PTPRR: variants seen among roughly 807,000 people sequenced by gnomAD.
PTPRR encodes protein tyrosine phosphatase receptor type R, also known as receptor-type tyrosine-protein phosphatase R.
PTPRR carries 38 observed loss-of-function variants against 77.2 expected under a neutral mutation model. That is an observed-to-expected ratio of 0.49 (90% CI 0.38 to 0.65). The LOEUF (loss-of-function observed/expected upper bound fraction) is 0.65, where lower values mean the gene tolerates loss of function less well. PTPRR is among the 30% of genes least tolerant of loss of function. PTPRR has a pLI of 0.00. For synonymous variants in PTPRR, 299 were observed against 283.1 expected (o/e 1.06, Z -0.57); for missense variants, 744 against 799.2 (o/e 0.93, Z 0.83).
intron 8 of PTPRR, among the ~76,000 whole-genome samples, chr12:70,694,166 G>T (rs1484704198): frequency 6.6e-6 from 1 of 151,932 alleles, no homozygotes; most frequent in East Asian, 1.9e-4. Context: ...TCACTTATTT[G>T]CATATCTACT....
In PTPRR at chr12:70,728,528, A is replaced by AATATATATATATAT. The variant is rs71068723; in HGVS notation, c.1007+17276_1007+17289dup. Among the ~76,000 whole-genome samples, 196 of 80,102 alleles carry AATATATATATATAT rather than the reference A, an allele frequency of 2.4e-3. 3 individuals are homozygous for AATATATATATATAT. Among genetic ancestry groups the AATATATATATATAT allele is most frequent in the African/African-American group, 5.3e-3 (99 of 18,632 alleles). The allele number at this position is 80,102 out of a possible 152,430, so 52.6% of individuals were successfully genotyped here. ...TATATGGCAAATATTCCAAAATCTGAATATATATATATATATATATATATA... is the reference window on the plus strand; with the variant it reads ...TATATGGCAAATATTCCAAAATCTGAATATATATATATATATATATATATATATATATATATATA... On this transcript the variant is annotated intron_variant, in intron 6 of 13. Coordinates refer to ENST00000283228, the MANE Select transcript of PTPRR (RefSeq NM_002849.4).
At chr12:70,673,072 T>C in intron 10 of PTPRR, 1 of 1,154,150 alleles carries the variant, frequency 8.7e-7, no homozygotes, top group Non-Finnish European at 1.1e-6. Context: ...GAAATATATA[T>C]TTGACTTATA....
At chr12:70,680,124 A>G (rs1887601002) in intron 10 of PTPRR, among the ~76,000 whole-genome samples, 1 of 152,190 alleles carries the variant, frequency 6.6e-6, no homozygotes, top group Non-Finnish European at 1.5e-5. Context: ...GCTGATAACA[A>G]CTTAACTTTG....
chr12:70,856,848 G>GGAGA (rs140876613), intron 2 of PTPRR, among the ~76,000 whole-genome samples: 2 of 148,166 alleles, frequency 1.3e-5, no homozygotes, highest in African/African-American at 5.0e-5. Flanking sequence ...GGAGAGAGGG[G>GGAGA]GAGAGAGAGA....
In PTPRR at chr12:70,920,474, G is replaced by A. The variant is rs2137145641; in HGVS notation, c.-84C>T. On this transcript the variant is annotated 5_prime_UTR_variant, in exon 1 of 14. Coordinates refer to ENST00000283228, the MANE Select transcript of PTPRR (RefSeq NM_002849.4). ...GCTATTAGAAAGAGCCACCGCCAAGGGTCTTCTAGTCTCCGGGATTCAGGT... is the reference window on the plus strand; with the variant it reads ...GCTATTAGAAAGAGCCACCGCCAAGAGTCTTCTAGTCTCCGGGATTCAGGT... The A allele has an allele frequency of 1.3e-5, 17 of 1,339,244 alleles. No individual in the cohort carries two copies. The highest frequency in any genetic ancestry group is 1.8e-5 in the Non-Finnish European group (17 of 955,488). The allele number at this position is 1,339,244 out of a possible 1,614,324, so 83.0% of individuals were successfully genotyped here.
At chr12:70,731,697 C>G (rs909044042) in intron 6 of PTPRR, among the ~76,000 whole-genome samples, 6 of 152,190 alleles carry the variant, frequency 3.9e-5, no homozygotes, top group African/African-American at 1.4e-4. Flanking sequence ...TTTCTAGAAT[C>G]AACTGGATGT....
intron 6 of PTPRR, among the ~76,000 whole-genome samples, chr12:70,724,825 A>C (rs1889379280): frequency 6.6e-6 from 1 of 152,162 alleles, no homozygotes; most frequent in Non-Finnish European, 1.5e-5. Context: ...ACACACACAC[A>C]CATATATATA....
intron 2 of PTPRR, among the ~76,000 whole-genome samples, chr12:70,885,534 A>ATTTTT (rs34620002): frequency 7.3e-6 from 1 of 137,072 alleles, no homozygotes; most frequent in Admixed American, 7.6e-5. Context: ...ACAGTTAAGG[A>ATTTTT]TTTTTTTTTT....
At chr12:70,904,652 C>T (rs1349999138) in intron 1 of PTPRR, among the ~76,000 whole-genome samples, 1 of 151,678 alleles carries the variant, frequency 6.6e-6, no homozygotes, top group East Asian at 1.9e-4. Context: ...ATTCATAGAA[C>T]TATACACCAA....
At chr12:70,713,121 C>T (rs1018387499) in intron 6 of PTPRR, among the ~76,000 whole-genome samples, 6 of 152,212 alleles carry the variant, frequency 3.9e-5, no homozygotes, top group Non-Finnish European at 8.8e-5. Flanking sequence ...TTGGACATTT[C>T]GTATAAATGG....
chr12:70,833,005 G>A (rs1892241379), intron 2 of PTPRR, among the ~76,000 whole-genome samples: 1 of 152,074 alleles, frequency 6.6e-6, no homozygotes, highest in African/African-American at 2.4e-5. Context: ...GAACTATTTT[G>A]AACTATCAGA....
chr12:70,773,603 TG>T (rs1891027697), intron 2 of PTPRR, among the ~76,000 whole-genome samples: 1 of 152,052 alleles, frequency 6.6e-6, no homozygotes, highest in Non-Finnish European at 1.5e-5. Flanking sequence ...AAAGTCTTGG[TG>T]AGGCAAAAAT....
chr12:70,671,074 C>G (rs143627123), intron 10 of PTPRR, among the ~76,000 whole-genome samples: 3,090 of 152,244 alleles, frequency 0.02, 61 homozygotes, highest in Admixed American at 0.037. Flanking sequence ...AACTCCATCT[C>G]CATATGTTTT....
chr12:70,654,250 C>T (rs1273541512), intron 13 of PTPRR, among the ~76,000 whole-genome samples: 1 of 152,024 alleles, frequency 6.6e-6, no homozygotes. Context: ...GCACATAGTG[C>T]TCAAAGCATA....
intron 2 of PTPRR, among the ~76,000 whole-genome samples, chr12:70,808,908 T>C (rs1891758996): frequency 6.6e-6 from 1 of 152,230 alleles, no homozygotes; most frequent in Non-Finnish European, 1.5e-5. Context: ...ATGATCTTCT[T>C]ACTCTAAATC....
At chr12:70,868,206 G>C (rs1892893175) in intron 2 of PTPRR, among the ~76,000 whole-genome samples, 1 of 152,028 alleles carries the variant, frequency 6.6e-6, no homozygotes, top group African/African-American at 2.4e-5. Flanking sequence ...TTAAACTAAA[G>C]AGCTTCTGCA....
At chr12:70,805,441 G>A (rs1171817866) in intron 2 of PTPRR, among the ~76,000 whole-genome samples, 1 of 151,948 alleles carries the variant, frequency 6.6e-6, no homozygotes, top group Non-Finnish European at 1.5e-5. Flanking sequence ...ATGATCCTGG[G>A]CTCCTGGGCT....
intron 6 of PTPRR, among the ~76,000 whole-genome samples, chr12:70,729,772 G>A (rs564153804): frequency 6.6e-6 from 1 of 151,826 alleles, no homozygotes; most frequent in African/African-American, 2.4e-5. Context: ...CCTCCAAGCA[G>A]CTTACAATTT....
chr12:70,912,119 T>C (rs1236713000), intron 1 of PTPRR, among the ~76,000 whole-genome samples: 1 of 152,228 alleles, frequency 6.6e-6, no homozygotes, highest in African/African-American at 2.4e-5. Flanking sequence ...TTGCTTATGA[T>C]TGAAAGCCAT....
Sources: allele counts gnomAD v4.1 joint callset (sites outside exome capture counted in the v4.1 genomes callset), GRCh38; gene constraint gnomAD v4.1.1; transcripts MANE v1.5; gene names NCBI Gene and HGNC (gene_info 2026-07-23, HGNC 2026-07-21).